Variants in LSM11 observed in about 807,000 individuals in gnomAD.
LSM11 encodes the protein LSM11, U7 small nuclear RNA associated.
A neutral mutation model predicts 28.1 loss-of-function variants in LSM11; 14 were observed. That is an observed-to-expected ratio of 0.50 (90% CI 0.33 to 0.78). LSM11 has a LOEUF of 0.78. LSM11 is among the 30% of genes least tolerant of loss of function. The pLI is 0.02. For missense variants in LSM11, 495 were observed against 510.6 expected (o/e 0.97, Z 0.30); for synonymous variants, 207 against 214.2 (o/e 0.97, Z 0.30).
chr5:157,751,310 C>G, intron 1 of LSM11, 80 bp from the exon 2 acceptor site: 1 of 1,464,402 alleles, frequency 6.8e-7, no homozygotes, highest in Non-Finnish European at 9.1e-7. Context: ...TGTTGCTGGC[C>G]GAAGTTGGGT....
At chr5:157,748,756 T>C (rs565063674) in intron 1 of LSM11, among the ~76,000 whole-genome samples, 1 of 152,338 alleles carries the variant, frequency 6.6e-6, no homozygotes, top group East Asian at 1.9e-4. Flanking sequence ...ACAGTTATTT[T>C]AAAATCAGGC....
chr5:157,755,317 A>G lies in LSM11; in HGVS notation c.*53A>G, dbSNP rs924085653. 321 of 1,545,994 alleles carry G rather than the reference A, an allele frequency of 2.1e-4. 2 individuals are homozygous for G. The Admixed American group carries it at 5.4e-3, about 26-fold the overall frequency. On this transcript the variant is annotated 3_prime_UTR_variant, in exon 4 of 4. Coordinates refer to ENST00000286307, the MANE Select transcript of LSM11 (RefSeq NM_173491.4). ...GAAATAAAGTGCATGAATTGCTGCT[A>G]TGCTGTATCCTAGTATCCCAGTGAA...
At chr5:157,745,632 G>A (rs948819896) in intron 1 of LSM11, among the ~76,000 whole-genome samples, 4 of 152,236 alleles carry the variant, frequency 2.6e-5, no homozygotes, top group Non-Finnish European at 5.9e-5. Flanking sequence ...GTATTGCTAT[G>A]TGGTGGGTGG....
At chr5:157,752,045 G>A (rs1247010442) in intron 2 of LSM11, among the ~76,000 whole-genome samples, 1 of 152,140 alleles carries the variant, frequency 6.6e-6, no homozygotes, top group Non-Finnish European at 1.5e-5. Flanking sequence ...CATTTTGGCT[G>A]AACCCCATGC....
rs530389636 is a variant in LSM11, at chr5:157,743,894, C to T, written c.144C>T (p.Pro48=). Residue 48 remains proline (P), a synonymous_variant, in exon 1 of 4, where the codon CCC becomes CCT. Coordinates refer to ENST00000286307, the MANE Select transcript of LSM11 (RefSeq NM_173491.4). ...YAPRLPPIPY[P]NAPCFNNVAE... is the part of the protein sequence containing the mutation. ...CCCGCCTGCCTCCCATTCCCTACCC[C>T]AATGCCCCCTGCTTCAACAACGTGG... 2 of 1,543,510 alleles carry T rather than the reference C, an allele frequency of 1.3e-6. No individual in the cohort carries two copies. The highest frequency in any genetic ancestry group is 1.9e-5 in the Admixed American group (1 of 52,222).
chr5:157,743,804 C>T lies in LSM11; in HGVS notation c.54C>T (p.Arg18=). 4.1e-6 allele frequency: 6 copies of T among 1,480,364 alleles called. No individual in the cohort carries two copies. Among genetic ancestry groups the T allele is most frequent in the Non-Finnish European group, 4.5e-6 (5 of 1,120,114 alleles). The allele number at this position is 1,480,364 out of a possible 1,614,324, so 91.7% of individuals were successfully genotyped here. The change falls in exon 1 of 4, where the codon CGC becomes CGT. Residue 18 remains arginine, a synonymous_variant. Coordinates refer to ENST00000286307, the MANE Select transcript of LSM11 (RefSeq NM_173491.4). ...CGGCTGGCGCCGGGAGCCCCGCGCG[C>T]CCGCCCAGCCCGCGGCTGGATGTCA... The part of the protein sequence containing the change: ...ARSAGAGSPA[R]PPSPRLDVSS...
Position 157,751,477 on chromosome 5 carries a change from T to A in LSM11, c.536T>A (p.Leu179His). ...VNVHIRTFKG[L>H]RGVCTGFLVA... ...GTTCACATCCGCACTTTCAAGGGAC[T>A]TCGGGGCGTCTGTACAGGCTTCCTT... The change falls in exon 2 of 4, where the codon CTT (leucine) becomes CAT (histidine). Residue 179 changes from leucine (L) to histidine (H), a missense_variant. Physicochemically the swap from Leu to His is moderately conservative, Grantham distance 99. Coordinates refer to ENST00000286307, the MANE Select transcript of LSM11 (RefSeq NM_173491.4). The A allele has an allele frequency of 6.2e-7, 1 of 1,613,224 alleles. No homozygotes were observed. Among genetic ancestry groups the A allele is most frequent in the South Asian group, 1.1e-5 (1 of 90,914 alleles).
intron 1 of LSM11, among the ~76,000 whole-genome samples, chr5:157,747,141 T>G (rs1160104571): frequency 6.6e-6 from 1 of 152,196 alleles, no homozygotes; most frequent in African/African-American, 2.4e-5. Context: ...AGCATTATCC[T>G]CTTTTCCACA....
rs749331691 is a variant in LSM11 at position 157,743,895 on chromosome 5, A to G, written c.145A>G (p.Asn49Asp). 1.9e-6 allele frequency: 3 copies of G among 1,539,444 alleles called. No homozygotes were observed. The highest frequency in any genetic ancestry group is 2.7e-5 in the East Asian group (1 of 37,672). Residue 49 changes from asparagine to aspartate, a missense_variant, in exon 1 of 4, where the codon AAT (asparagine) becomes GAT (aspartate). By Grantham distance (23) the Asn-to-Asp change is conservative. Transcript: ENST00000286307. ...APRLPPIPYPNAPCFNNVAEY... is the reference protein window; with the variant it reads ...APRLPPIPYPDAPCFNNVAEY... ...CCGCCTGCCTCCCATTCCCTACCCC[A>G]ATGCCCCCTGCTTCAACAACGTGGC... is the stretch of plus-strand genomic sequence containing the variant.
intron 2 of LSM11, 59 bp from the exon 3 acceptor site, chr5:157,753,945 C>A: frequency 2.6e-6 from 3 of 1,169,560 alleles, no homozygotes; most frequent in Non-Finnish European, 2.3e-6. Context: ...CCTGAAAAAG[C>A]TATACAAATA....
rs548568437 is a variant in LSM11, at chr5:157,753,321, C to T, written c.589-683C>T. ...AAAATGTTTTATTATGATCTTTTTA[C>T]CTTTGAAGAATTGAAGAGAATGTGT... On this transcript the variant is annotated intron_variant, in intron 2 of 3. Transcript: ENST00000286307. Among the ~76,000 whole-genome samples, 5 of 129,552 alleles carry T rather than the reference C, an allele frequency of 3.9e-5. No homozygotes were observed. The East Asian group carries it at 1.4e-3, about 37-fold the overall frequency. 85.0% of individuals were successfully genotyped at this position (129,552 alleles called of 152,430 possible).
chr5:157,754,847 T>G lies in LSM11; in HGVS notation c.673-7T>G. On this transcript the variant is annotated splice_region_variant and splice_polypyrimidine_tract_variant and intron_variant, in intron 3 of 3. Coordinates refer to ENST00000286307, the MANE Select transcript of LSM11 (RefSeq NM_173491.4). The stretch of plus-strand genomic sequence containing the variant: ...AAGGCTAATATTTATCATTGTTTGC[T>G]TTATAGCTATTTGATCGGCTGAAAC... The G allele has an allele frequency of 6.2e-7, 1 of 1,610,136 alleles. No individual in the cohort carries two copies. Among genetic ancestry groups the G allele is most frequent in the South Asian group, 1.1e-5 (1 of 90,418 alleles).
At chr5:157,746,209 A>G (rs1386145752) in intron 1 of LSM11, among the ~76,000 whole-genome samples, 1 of 152,254 alleles carries the variant, frequency 6.6e-6, no homozygotes, top group African/African-American at 2.4e-5. Context: ...GATACCAGTA[A>G]GATAATACTA....
intron 2 of LSM11, among the ~76,000 whole-genome samples, chr5:157,752,348 T>C (rs1171351857): frequency 6.6e-6 from 1 of 150,474 alleles, no homozygotes; most frequent in African/African-American, 2.4e-5. Flanking sequence ...CAGGCTGGTC[T>C]TGAACTCCAG....
chr5:157,746,071 A>C (rs1208049804), intron 1 of LSM11, among the ~76,000 whole-genome samples: 9 of 152,178 alleles, frequency 5.9e-5, no homozygotes, highest in African/African-American at 2.2e-4. Flanking sequence ...ATCCAAAAAC[A>C]AAAGTTGGAA....
At chr5:157,752,044 T>G (rs1761239893) in intron 2 of LSM11, among the ~76,000 whole-genome samples, 1 of 152,218 alleles carries the variant, frequency 6.6e-6, no homozygotes, top group African/African-American at 2.4e-5. Flanking sequence ...CCATTTTGGC[T>G]GAACCCCATG....
In LSM11 at chr5:157,744,084, C is replaced by G; in HGVS notation, c.334C>G (p.Arg112Gly). ...CGCCCCGGACCCCGAGCGCATCCAG[C>G]GCCTCCGCCGTCTCATGGTGGCCAA... ...APAPDPERIQ[R>G]LRRLMVAKEE... is the part of the protein sequence containing the mutation. Residue 112 changes from arginine (R) to glycine (G), a missense_variant, in exon 1 of 4, where the codon CGC becomes GGC. By Grantham distance (125) the Arg-to-Gly change is moderately radical. Transcript: ENST00000286307. 6.7e-7 allele frequency: 1 copy of G among 1,483,130 alleles called. No individual in the cohort carries two copies. Among genetic ancestry groups the G allele is most frequent in the Non-Finnish European group, 8.9e-7 (1 of 1,122,250 alleles). The allele number at this position is 1,483,130 out of a possible 1,614,324, so 91.9% of individuals were successfully genotyped here. A position where few individuals can be genotyped will look rare whatever the true frequency, so the allele number is the denominator to read the frequency against.
At chr5:157,746,135 T>TA (rs36112615) in intron 1 of LSM11, among the ~76,000 whole-genome samples, 13,272 of 152,174 alleles carry the variant, frequency 0.087, 681 homozygotes, top group Middle Eastern at 0.14. Flanking sequence ...AGTTTTAATT[T>TA]AAAAAAATAT....
chr5:157,754,891 A>T lies in LSM11; in HGVS notation c.710A>T (p.Lys237Met). The T allele has an allele frequency of 6.2e-7, 1 of 1,614,118 alleles. No individual in the cohort carries two copies. Among genetic ancestry groups the T allele is most frequent in the Non-Finnish European group, 8.5e-7 (1 of 1,179,978 alleles). ...CTGAAACTTCAAGATTCCTCCAAGAAGGAAGCAGATTCTAAGTCTGCAGTT... is the reference window on the plus strand; with the variant it reads ...CTGAAACTTCAAGATTCCTCCAAGATGGAAGCAGATTCTAAGTCTGCAGTT... Reference protein sequence around the residue: ...DRLKLQDSSKKEADSKSAVED... With the variant: ...DRLKLQDSSKMEADSKSAVED... Residue 237 changes from lysine (K) to methionine (M), a missense_variant, in exon 4 of 4, where the codon AAG (lysine) becomes ATG (methionine). Coordinates refer to ENST00000286307, the MANE Select transcript of LSM11 (RefSeq NM_173491.4).
Sources: gnomAD v4.1 joint callset for allele counts (sites outside exome capture counted in the v4.1 genomes callset) on GRCh38, gnomAD v4.1.1 for gene constraint, MANE v1.5 for transcripts, NCBI Gene and HGNC (gene_info 2026-07-23, HGNC 2026-07-21) for gene names.